The following CD59 variants were observed in gnomAD, a reference collection of about 807,000 sequenced individuals.
The protein encoded by CD59 is CD59 glycoprotein.
CD59 carries 3 observed loss-of-function variants against 7.0 expected under a neutral mutation model. The ratio of observed to expected loss-of-function variants is 0.43; its 90% CI spans 0.19 to 1.10. The LOEUF (loss-of-function observed/expected upper bound fraction) is 1.10, where lower values mean the gene tolerates loss of function less well. Ranked by LOEUF, CD59 falls within the 50% of genes least tolerant of loss-of-function variation. The pLI is 0.29. For synonymous variants in CD59, 60 were observed against 62.0 expected (o/e 0.97, Z 0.15); for missense variants, 143 against 151.0 (o/e 0.95, Z 0.28).
chr11:33,710,194 A>G lies in CD59; in HGVS notation c.319T>C (p.Leu107=), dbSNP rs774516437. The change falls in exon 4 of 4, where the codon TTA becomes CTA. Residue 107 remains leucine, a synonymous_variant. Coordinates refer to ENST00000642928, the MANE Select transcript of CD59 (RefSeq NM_000611.6). ...AGCAGAAGAACTGTTTTCTCTGATA[A>G]GGATGTCCCACCATTTTCAAGCTGT... ...NEQLENGGTS[L]SEKTVLLLVT... The G allele has an allele frequency of 4.3e-6, 7 of 1,614,166 alleles. No homozygotes were observed. In the Admixed American group the frequency reaches 1.0e-4, roughly 23 times the overall value.
At chr11:33,730,537 T>C (rs1293116955) in intron 1 of CD59, among the ~76,000 whole-genome samples, 1 of 152,134 alleles carries the variant, frequency 6.6e-6, no homozygotes, top group African/African-American at 2.4e-5. Flanking sequence ...TCAACTATAG[T>C]ATATACTGTT....
At position 33,703,191 on chromosome 11, in the gene CD59, G is replaced by C. The variant is rs960218460; in HGVS notation, c.*6935C>G. On this transcript the variant is annotated 3_prime_UTR_variant, in exon 4 of 4. Coordinates refer to ENST00000642928, the MANE Select transcript of CD59 (RefSeq NM_000611.6). ...ATAATCCATGAAGTTATAGCCAGGG[G>C]GTTAAATAAGAAGTTGATGACAAAC... 2 of 152,102 alleles carry C rather than the reference G, an allele frequency of 1.3e-5. No homozygotes were observed. The highest frequency in any genetic ancestry group is 4.8e-5 in the African/African-American group (2 of 41,394). 9.4% of individuals were successfully genotyped at this position (152,102 alleles called of 1,614,324 possible). A position where few individuals can be genotyped will look rare whatever the true frequency, so the allele number is the denominator to read the frequency against.
intron 1 of CD59, among the ~76,000 whole-genome samples, chr11:33,729,849 GCCC>G (rs1309086000): frequency 6.6e-6 from 1 of 151,734 alleles, no homozygotes; most frequent in African/African-American, 2.4e-5. Context: ...ACCCCAACCG[GCCC>G]CCCAAATATC....
rs976756038 is a variant in CD59, at chr11:33,707,025, C to T, written c.*3101G>A. On this transcript the variant is annotated 3_prime_UTR_variant, in exon 4 of 4. Transcript: ENST00000642928. ...CGATCCAGCTAACTTTGCATAGTTT[C>T]CTCTTGTGTAAAGTGAGGTGCAAGT... is the stretch of plus-strand genomic sequence containing the variant. 1.3e-5 allele frequency: 2 copies of T among 152,174 alleles called. No homozygotes were observed. The highest frequency in any genetic ancestry group is 2.4e-5 in the African/African-American group (1 of 41,430). 9.4% of individuals were successfully genotyped at this position (152,174 alleles called of 1,614,324 possible). A position where few individuals can be genotyped will look rare whatever the true frequency, so the allele number is the denominator to read the frequency against.
At chr11:33,724,520 GC>G (rs1385180508) in intron 1 of CD59, among the ~76,000 whole-genome samples, 1 of 152,164 alleles carries the variant, frequency 6.6e-6, no homozygotes, top group South Asian at 2.1e-4. Context: ...ATAGCACAAT[GC>G]CTGGCCAAAG....
chr11:33,709,937 C>T lies in CD59; in HGVS notation c.*189G>A. ...CTTAGACTTCTTCCTTCAAGTGGGG[C>T]TTCCCTGCAAACAGGACTGGTCTTC... is the stretch of plus-strand genomic sequence containing the variant. On this transcript the variant is annotated 3_prime_UTR_variant, in exon 4 of 4. Transcript: ENST00000642928. The T allele has an allele frequency of 1.6e-6, 1 of 640,518 alleles. No homozygotes were observed. Among genetic ancestry groups the T allele is most frequent in the South Asian group, 1.8e-5 (1 of 54,902 alleles). 39.7% of individuals were successfully genotyped at this position (640,518 alleles called of 1,614,324 possible).
intron 2 of CD59, among the ~76,000 whole-genome samples, chr11:33,721,412 G>A (rs145044997): frequency 2.5e-4 from 38 of 152,276 alleles, no homozygotes; most frequent in Non-Finnish European, 4.9e-4. Flanking sequence ...TGAATATATG[G>A]TTGCTGTTAA....
At chr11:33,714,855 G>A (rs1363133815) in intron 3 of CD59, among the ~76,000 whole-genome samples, 2 of 151,698 alleles carry the variant, frequency 1.3e-5, no homozygotes, top group African/African-American at 2.4e-5. Flanking sequence ...TTAGGGGTAA[G>A]AATACTCATG....
chr11:33,711,483 G>A (rs1176628462), intron 3 of CD59: 1 of 689,360 alleles, frequency 1.5e-6, no homozygotes, highest in Non-Finnish European at 2.6e-6. Context: ...GGCCAGCCTG[G>A]GCAACATAGT....
intron 1 of CD59, among the ~76,000 whole-genome samples, chr11:33,730,517 C>T (rs1564979261): frequency 6.6e-6 from 1 of 152,190 alleles, no homozygotes; most frequent in Non-Finnish European, 1.5e-5. Flanking sequence ...TTAAATCATA[C>T]TGCATAAAAT....
rs1257713064 is a variant in CD59 at position 33,710,108 on chromosome 11, A to C, written c.*18T>G. 6.3e-7 allele frequency: 1 copy of C among 1,588,354 alleles called. No individual in the cohort carries two copies. Among genetic ancestry groups the C allele is most frequent in the Non-Finnish European group, 8.6e-7 (1 of 1,159,108 alleles). On this transcript the variant is annotated 3_prime_UTR_variant, in exon 4 of 4. Transcript: ENST00000642928. ...ACGCAGGAACGGGGAGTTTGGGAGA[A>C]GCTCTCCTGGTGTTGACTTAGGGAT...
chr11:33,728,017 A>C (rs1854307768), intron 1 of CD59, among the ~76,000 whole-genome samples: 1 of 152,216 alleles, frequency 6.6e-6, no homozygotes, highest in East Asian at 1.9e-4. Context: ...AAGGAAATAA[A>C]AGAGGACATA....
chr11:33,730,718 G>A (rs1411264219), intron 1 of CD59, among the ~76,000 whole-genome samples: 1 of 145,566 alleles, frequency 6.9e-6, no homozygotes, highest in Non-Finnish European at 1.6e-5. Flanking sequence ...CAGTTCTTGA[G>A]TATTTTCTTT....
intron 1 of CD59, among the ~76,000 whole-genome samples, chr11:33,732,367 T>G (rs1245957231): frequency 6.6e-6 from 1 of 151,984 alleles, no homozygotes; most frequent in Admixed American, 6.6e-5. Context: ...TGTTTGAAAG[T>G]GTGTAGCACT....
At chr11:33,717,133 G>C (rs1009890414) in intron 3 of CD59, among the ~76,000 whole-genome samples, 12 of 152,136 alleles carry the variant, frequency 7.9e-5, no homozygotes, top group Admixed American at 7.9e-4. Context: ...ATAATTTCTT[G>C]CTTAATCTGA....
chr11:33,736,107 A>C lies in CD59; in HGVS notation c.-19+275T>G. Among the ~76,000 whole-genome samples, 1 of 151,680 alleles carries C rather than the reference A, an allele frequency of 6.6e-6. No individual in the cohort carries two copies. Among genetic ancestry groups the C allele is most frequent in the African/African-American group, 2.4e-5 (1 of 41,466 alleles). The stretch of plus-strand genomic sequence containing the variant: ...CGGGTGCGAGGCTGCCCCCGAGGGA[A>C]TGGGGGGCGCGACGGGGGTAACGGG... On this transcript the variant is annotated intron_variant, in intron 1 of 3. Transcript: ENST00000642928. This position sits in a 1 kb window ranked among gnomAD's most constrained non-coding sequence, Gnocchi z 4.4.
At chr11:33,717,232 T>C in intron 3 of CD59, 138 bp downstream of exon 3, 1 of 693,790 alleles carries the variant, frequency 1.4e-6, no homozygotes. Flanking sequence ...AGAAAGTGCT[T>C]AGCCCAATAC....
At chr11:33,730,632 A>G (rs116243259) in intron 1 of CD59, among the ~76,000 whole-genome samples, 143 of 152,358 alleles carry the variant, frequency 9.4e-4, no homozygotes, top group African/African-American at 3.3e-3. Context: ...TATGATTAGT[A>G]TCATGTGATG....
chr11:33,732,406 C>T (rs1473976876), intron 1 of CD59, among the ~76,000 whole-genome samples: 3 of 147,536 alleles, frequency 2.0e-5, no homozygotes, highest in Non-Finnish European at 3.0e-5. Context: ...CTCCTGCTCC[C>T]GCCAAGTAAG....
Sources: gnomAD v4.1 joint callset for allele counts (sites outside exome capture counted in the v4.1 genomes callset) on GRCh38, gnomAD v4.1.1 for gene constraint, Gnocchi (gnomAD v3.1) non-coding constraint, MANE v1.5 for transcripts, NCBI Gene and HGNC (gene_info 2026-07-23, HGNC 2026-07-21) for gene names.